AFF1: variants seen among roughly 807,000 people sequenced by gnomAD.
The protein encoded by AFF1 is AF4/FMR2 family member 1.
A neutral mutation model predicts 121.7 loss-of-function variants in AFF1; 48 were observed. The ratio of observed to expected loss-of-function variants is 0.39; its 90% confidence interval spans 0.31 to 0.50. The LOEUF (loss-of-function observed/expected upper bound fraction) is 0.50. Ranked by LOEUF, AFF1 falls within the 20% of genes least tolerant of loss-of-function variation. AFF1 has a pLI of 0.76. For missense variants in AFF1, 1,523 were observed against 1,511.7 expected, an observed-to-expected ratio of 1.01 and a Z score of -0.12; for synonymous variants, 613 against 563.0, an observed-to-expected ratio of 1.09 and a Z score of -1.26.
intron 5 of AFF1, among the ~76,000 whole-genome samples, chr4:87,086,414 C>A (rs190167847): frequency 6.6e-6 from 1 of 152,138 alleles, no homozygotes; most frequent in East Asian, 1.9e-4. Context: ...GGAACCCATC[C>A]GTCCTCCTTC....
Position 87,047,414 on chromosome 4 carries a change from G to A in AFF1, c.879G>A (p.Met293Ile), listed in dbSNP as rs962526480. Residue 293 changes from methionine (M) to isoleucine (I), a missense_variant, in exon 4 of 21, where the codon ATG (methionine) becomes ATA (isoleucine). This residue lies in a region of AFF1 where 369 missense variants were observed against 367.2 expected (regional missense o/e 1.00). Transcript: ENST00000395146. Reference protein sequence around the residue: ...PPSLPSKSVAMQQKPTAYVRP... With the variant: ...PPSLPSKSVAIQQKPTAYVRP... ...CCCTCCCCTCAAAAAGTGTTGCAAT[G>A]CAGCAGAAGCCCACGGCTTATGTCC... 2.5e-6 allele frequency: 4 copies of A among 1,614,148 alleles called. No individual in the cohort carries two copies. The highest frequency in any genetic ancestry group is 3.4e-6 in the Non-Finnish European group (4 of 1,180,038).
chr4:87,116,782 T>A (rs1727167590), intron 12 of AFF1, among the ~76,000 whole-genome samples: 1 of 152,194 alleles, frequency 6.6e-6, no homozygotes, highest in Non-Finnish European at 1.5e-5. Context: ...GAAGAGGGCA[T>A]ATTTTCATGC....
intron 2 of AFF1, among the ~76,000 whole-genome samples, chr4:86,959,546 G>C (rs1191295519): frequency 6.6e-6 from 1 of 151,096 alleles, no homozygotes; most frequent in African/African-American, 2.4e-5. Context: ...GGAAAAAATG[G>C]GTGCCTTTTG....
chr4:87,040,871 C>CTTTTTTTTTT (rs780348229), intron 2 of AFF1, among the ~76,000 whole-genome samples: 4 of 67,106 alleles, frequency 6.0e-5, no homozygotes, highest in African/African-American at 2.5e-4. Context: ...CCATGCCCTG[C>CTTTTTTTTTT]TTTTTTTTTT....
rs867665772 is a variant in AFF1 at position 87,047,544 on chromosome 4, C to T, written c.1009C>T (p.Pro337Ser). Reference sequence around the variant, plus strand: ...CTTTGAAAAAACAGACTTGAAAGTGCCTGCCAAAGCCAAGCTCACCAAACT... The same window carrying T: ...CTTTGAAAAAACAGACTTGAAAGTGTCTGCCAAAGCCAAGCTCACCAAACT... ...QTFEKTDLKV[P>S]AKAKLTKLKM... is the part of the protein sequence containing the mutation. The change falls in exon 4 of 21, where the codon CCT becomes TCT. Residue 337 changes from proline to serine, a missense_variant. Around this residue, in one of 5 missense-constraint regions of AFF1, gnomAD observed 905 missense variants for 842.5 expected, o/e 1.07. Transcript: ENST00000395146. 77 of 1,614,046 alleles carry T rather than the reference C, an allele frequency of 4.8e-5. No homozygotes were observed. The highest frequency in any genetic ancestry group is 6.3e-5 in the Non-Finnish European group (74 of 1,180,044).
At chr4:87,082,471 C>CT (rs1490020461) in intron 4 of AFF1, among the ~76,000 whole-genome samples, 2 of 152,158 alleles carry the variant, frequency 1.3e-5, no homozygotes, top group African/African-American at 4.8e-5. Context: ...TTATACCTGA[C>CT]TTCAAGACTC....
chr4:86,939,724 A>G (rs911854892), intron 1 of AFF1, among the ~76,000 whole-genome samples: 1 of 152,230 alleles, frequency 6.6e-6, no homozygotes, highest in African/African-American at 2.4e-5. Flanking sequence ...GAATATGTGC[A>G]GCCTGGCAGT....
chr4:87,083,476 T>G (rs1449345116), intron 4 of AFF1, among the ~76,000 whole-genome samples: 3 of 152,220 alleles, frequency 2.0e-5, no homozygotes, highest in African/African-American at 7.2e-5. Context: ...TATCCTTGAT[T>G]GGACTTAGCT....
chr4:87,064,016 C>T (rs1168229241), intron 4 of AFF1, among the ~76,000 whole-genome samples: 7 of 152,192 alleles, frequency 4.6e-5, no homozygotes, highest in Non-Finnish European at 1.0e-4. Context: ...AAATGTTACA[C>T]TTTTTCAATA....
chr4:87,125,243 TTAA>T (rs1305138115), intron 13 of AFF1, 100 bp downstream of exon 13: 1 of 759,674 alleles, frequency 1.3e-6, no homozygotes, highest in Admixed American at 3.3e-5. Flanking sequence ...AATCAGTGGA[TTAA>T]TAAACTCAAG....
intron 7 of AFF1, among the ~76,000 whole-genome samples, chr4:87,093,910 C>T (rs1472311685): frequency 6.6e-6 from 1 of 152,176 alleles, no homozygotes; most frequent in East Asian, 1.9e-4. Context: ...ACATTTCCTG[C>T]TCCCTTCTAA....
intron 2 of AFF1, chr4:87,007,018 C>T: frequency 2.7e-6 from 3 of 1,127,866 alleles, no homozygotes; most frequent in Non-Finnish European, 3.3e-6. Flanking sequence ...AACTGTGGCC[C>T]GCGTTGTGCT....
chr4:87,050,847 AAGATTG>A (rs1731192699), intron 4 of AFF1, among the ~76,000 whole-genome samples: 2 of 152,160 alleles, frequency 1.3e-5, no homozygotes, highest in Non-Finnish European at 2.9e-5. Flanking sequence ...GCCCAATTGG[AAGATTG>A]AGATTTCTTT....
At chr4:87,055,014 C>G (rs1354963951) in intron 4 of AFF1, among the ~76,000 whole-genome samples, 2 of 152,140 alleles carry the variant, frequency 1.3e-5, no homozygotes, top group African/African-American at 2.4e-5. Context: ...GTTTCTCTCT[C>G]TCACCCGGGC....
At chr4:87,031,554 G>C (rs1006804248) in intron 2 of AFF1, among the ~76,000 whole-genome samples, 62 of 152,076 alleles carry the variant, frequency 4.1e-4, no homozygotes, top group African/African-American at 1.4e-3. Context: ...ATGTTTACTG[G>C]AAATCAGGGG....
chr4:87,086,690 A>G (rs1723769699), intron 5 of AFF1, among the ~76,000 whole-genome samples: 2 of 152,144 alleles, frequency 1.3e-5, no homozygotes, highest in South Asian at 4.2e-4. Flanking sequence ...GGGCTAGCGG[A>G]TGATCTCCAG....
At position 86,949,012 on chromosome 4, in the gene AFF1, A is replaced by G. The variant is rs1000185524; in HGVS notation, c.38+441A>G. On this transcript the variant is annotated intron_variant, in intron 2 of 20. Transcript: ENST00000395146. ...CTCTCCCTCCAACTCTGCACACACA[A>G]TTTAGTGCCTTCTTGCATATAGTAA... 1.2e-4 allele frequency among the ~76,000 whole-genome samples: 19 copies of G among 152,204 alleles called. 1 individual carries two copies. The highest frequency in any genetic ancestry group is 1.4e-4 in the African/African-American group (6 of 41,518).
At position 87,126,148 on chromosome 4, in the gene AFF1, C is replaced by T; in HGVS notation, c.2623C>T (p.Pro875Ser). 3 of 1,614,206 alleles carry T rather than the reference C, an allele frequency of 1.9e-6. No individual in the cohort carries two copies. Among genetic ancestry groups the T allele is most frequent in the African/African-American group, 1.3e-5 (1 of 75,060 alleles). Residue 875 changes from proline to serine, a missense_variant, in exon 14 of 21, where the codon CCA (proline) becomes TCA (serine). This residue lies in a region of AFF1 where 905 missense variants were observed against 842.5 expected (regional missense o/e 1.07). Coordinates refer to ENST00000395146, the MANE Select transcript of AFF1 (RefSeq NM_001166693.3). ...QSSKKEMLPP[P>S]PVSSSSQKPA... Reference sequence around the variant, plus strand: ...CTCAAAGAAGGAAATGCTCCCCCCGCCACCCGTGTCCTCGTCCTCCCAGAA... The same window carrying T: ...CTCAAAGAAGGAAATGCTCCCCCCGTCACCCGTGTCCTCGTCCTCCCAGAA...
chr4:87,007,656 A>C (rs906227845), intron 2 of AFF1, among the ~76,000 whole-genome samples: 4 of 152,102 alleles, frequency 2.6e-5, no homozygotes, highest in Non-Finnish European at 5.9e-5. Flanking sequence ...GTGAAGATTA[A>C]AGTTAGATAG....
Sources: allele counts gnomAD v4.1 joint callset (sites outside exome capture counted in the v4.1 genomes callset), GRCh38; gene constraint gnomAD v4.1.1; regional missense constraint gnomAD v4.1.1; transcripts MANE v1.5; gene names NCBI Gene and HGNC (gene_info 2026-07-23, HGNC 2026-07-21).